The following KCND2 variants were observed in gnomAD, a reference collection of about 807,000 sequenced individuals.
KCND2 encodes the protein A-type voltage-gated potassium channel KCND2.
In KCND2, 16 loss-of-function variants were observed where a neutral mutation model predicts 54.4. The ratio of observed to expected loss-of-function variants is 0.29; its 90% CI spans 0.20 to 0.45. KCND2 has a LOEUF of 0.45. Ranked by LOEUF, KCND2 falls within the 20% of genes least tolerant of loss-of-function variation. The probability of loss-of-function intolerance (pLI) is 1.00; values close to 1 mark genes in which losing one functional copy is unlikely to be tolerated. For missense variants in KCND2, 486 were observed against 824.2 expected (o/e 0.59, Z 5.02); for synonymous variants, 317 against 310.7 (o/e 1.02, Z -0.21).
At chr7:120,718,409 A>G (rs1342530107) in intron 1 of KCND2, among the ~76,000 whole-genome samples, 2 of 152,142 alleles carry the variant, frequency 1.3e-5, no homozygotes, top group Non-Finnish European at 2.9e-5. Context: ...AAATATTTAA[A>G]TGGTTAGGAA....
At chr7:120,544,365 A>G (rs1792018232) in intron 1 of KCND2, among the ~76,000 whole-genome samples, 2 of 151,958 alleles carry the variant, frequency 1.3e-5, no homozygotes, top group Non-Finnish European at 1.5e-5. Context: ...TTGAGCAAAG[A>G]TGTCATTTAA....
chr7:120,675,960 C>A (rs1352386366), intron 1 of KCND2, among the ~76,000 whole-genome samples: 1 of 149,780 alleles, frequency 6.7e-6, no homozygotes, highest in African/African-American at 2.5e-5. Flanking sequence ...TGAATTGGAG[C>A]AATTCTTATG....
intron 1 of KCND2, among the ~76,000 whole-genome samples, chr7:120,321,963 A>AT (rs1799898348): frequency 6.6e-6 from 1 of 152,124 alleles, no homozygotes; most frequent in Non-Finnish European, 1.5e-5. Flanking sequence ...TGTTAATATT[A>AT]ATGAGAAAAT....
intron 1 of KCND2, among the ~76,000 whole-genome samples, chr7:120,379,097 T>C (rs1800878997): frequency 6.6e-6 from 1 of 152,046 alleles, no homozygotes; most frequent in Admixed American, 6.6e-5. Flanking sequence ...AGTTAACTCT[T>C]TCTTATGAAT....
At chr7:120,684,471 TCA>T (rs1792176752) in intron 1 of KCND2, among the ~76,000 whole-genome samples, 1 of 152,310 alleles carries the variant, frequency 6.6e-6, no homozygotes, top group Non-Finnish European at 1.5e-5. Context: ...CCACCAGTTT[TCA>T]TTTTAAGAAG....
At chr7:120,475,053 CT>C (rs1802514154) in intron 1 of KCND2, among the ~76,000 whole-genome samples, 1 of 152,144 alleles carries the variant, frequency 6.6e-6, no homozygotes, top group Non-Finnish European at 1.5e-5. Flanking sequence ...TATATCAGAA[CT>C]GAGCAATTTA....
intron 1 of KCND2, among the ~76,000 whole-genome samples, chr7:120,343,459 T>A (rs1394109108): frequency 6.6e-6 from 1 of 152,176 alleles, no homozygotes; most frequent in Non-Finnish European, 1.5e-5. Flanking sequence ...CAATGTGGTT[T>A]GTCACAAAAG....
rs370036350 is a variant in KCND2, at chr7:120,275,256, G to A, written c.624G>A (p.Pro208=). The A allele has an allele frequency of 1.2e-6, 2 of 1,613,900 alleles. No individual in the cohort carries two copies. The highest frequency in any genetic ancestry group is 1.6e-4 in the Middle Eastern group (1 of 6,062). Residue 208 remains proline (P), a synonymous_variant, in exon 1 of 6, where the codon CCG becomes CCA. Transcript: ENST00000331113. ...TCGCGAATGTGGTGGAAACAGTGCC[G>A]TGCGGATCAAGCCCAGGTCACATTA... The part of the protein sequence containing the change: ...SVIANVVETV[P]CGSSPGHIKE...
intron 1 of KCND2, among the ~76,000 whole-genome samples, chr7:120,730,843 C>G (rs1380913832): frequency 1.3e-5 from 2 of 152,270 alleles, no homozygotes; most frequent in East Asian, 3.9e-4. Flanking sequence ...TGTTTTCCCA[C>G]AAAACAATGT....
intron 1 of KCND2, among the ~76,000 whole-genome samples, chr7:120,276,924 G>A (rs1799185091): frequency 6.6e-6 from 1 of 152,050 alleles, no homozygotes; most frequent in Non-Finnish European, 1.5e-5. Context: ...AATCAGTTTA[G>A]TGAGGATTTG....
chr7:120,445,027 G>A (rs774234864), intron 1 of KCND2, among the ~76,000 whole-genome samples: 5 of 152,092 alleles, frequency 3.3e-5, no homozygotes, highest in Non-Finnish European at 7.4e-5. Context: ...TGAAAGACTA[G>A]AGCATTGATG....
chr7:120,538,638 T>A (rs1791941014), intron 1 of KCND2, among the ~76,000 whole-genome samples: 1 of 152,166 alleles, frequency 6.6e-6, no homozygotes, highest in Admixed American at 6.5e-5. Flanking sequence ...CCACCCTGAA[T>A]TAGGTTCTTC....
intron 1 of KCND2, among the ~76,000 whole-genome samples, chr7:120,463,150 C>T (rs1295472600): frequency 2.0e-5 from 3 of 151,950 alleles, no homozygotes; most frequent in Admixed American, 6.6e-5. Flanking sequence ...TCTTCCCCCG[C>T]CCTTACAGAC....
intron 1 of KCND2, among the ~76,000 whole-genome samples, chr7:120,439,405 T>C (rs545156848): frequency 6.6e-6 from 1 of 152,254 alleles, no homozygotes; most frequent in Admixed American, 6.5e-5. Context: ...CACATATTTA[T>C]GGAATGCAGA....
At chr7:120,646,418 G>T (rs965612795) in intron 1 of KCND2, among the ~76,000 whole-genome samples, 32 of 152,040 alleles carry the variant, frequency 2.1e-4, no homozygotes, top group Non-Finnish European at 5.9e-5. Flanking sequence ...TAATTTTTCT[G>T]TTAGTGATTT....
chr7:120,699,760 A>C (rs1273331788), intron 1 of KCND2, among the ~76,000 whole-genome samples: 2 of 152,222 alleles, frequency 1.3e-5, no homozygotes, highest in Admixed American at 1.3e-4. Flanking sequence ...CAACAGTTTG[A>C]CATTTGACTT....
chr7:120,560,312 T>A (rs1021182855), intron 1 of KCND2, among the ~76,000 whole-genome samples: 5 of 152,190 alleles, frequency 3.3e-5, no homozygotes, highest in African/African-American at 9.6e-5. Flanking sequence ...TCAGTAGTTT[T>A]AAAAGGCTAC....
At chr7:120,381,936 A>G (rs937239634) in intron 1 of KCND2, among the ~76,000 whole-genome samples, 2 of 150,794 alleles carry the variant, frequency 1.3e-5, no homozygotes, top group South Asian at 4.1e-4. Context: ...ATAAAATTCA[A>G]AAGTCAAATC....
chr7:120,699,994 T>A (rs1792380345), intron 1 of KCND2, among the ~76,000 whole-genome samples: 1 of 152,046 alleles, frequency 6.6e-6, no homozygotes, highest in Admixed American at 6.6e-5. Flanking sequence ...TAGTTAAGAA[T>A]AGGGTGTGGC....
Sources: gnomAD v4.1 joint callset for allele counts (sites outside exome capture counted in the v4.1 genomes callset) on GRCh38, gnomAD v4.1.1 for gene constraint, MANE v1.5 for transcripts, NCBI Gene and HGNC (gene_info 2026-07-23, HGNC 2026-07-21) for gene names.